Variants in HEMK2 observed in about 807,000 individuals in gnomAD.
HEMK2 encodes the protein methyltransferase HEMK2.
At chr21:28,676,312 G>A in the HEMK2 span, among the ~76,000 whole-genome samples, 5 of 152,090 alleles carry the variant, frequency 3.3e-5, no homozygotes, top group South Asian at 4.1e-4. Context: ...GTGTGTCTAC[G>A]TTCTAATCTC....
the HEMK2 span, among the ~76,000 whole-genome samples, chr21:28,583,886 T>G: frequency 6.6e-6 from 1 of 152,248 alleles, no homozygotes; most frequent in Non-Finnish European, 1.5e-5. Flanking sequence ...ATAACTTTAC[T>G]ATTTCAGGAG....
chr21:28,885,320 G>C, the HEMK2 span: 1 of 1,584,158 alleles, frequency 6.3e-7, no homozygotes, highest in Non-Finnish European at 8.6e-7. Context: ...CCCGTGGAAC[G>C]GCGTAGCGAA....
chr21:28,841,426 A>ATATATATAAAATATTATATATAT, the HEMK2 span, among the ~76,000 whole-genome samples: 8 of 47,152 alleles, frequency 1.7e-4, no homozygotes, highest in African/African-American at 7.4e-4. Context: ...TATATATATA[A>ATATATATAAAATATTATATATAT]AATATATATA....
the HEMK2 span, among the ~76,000 whole-genome samples, chr21:28,827,126 T>C: frequency 1.3e-5 from 2 of 152,168 alleles, no homozygotes; most frequent in Non-Finnish European, 2.9e-5. Context: ...CCAGACCCCA[T>C]GCTAGGCAGA....
the HEMK2 span, among the ~76,000 whole-genome samples, chr21:28,794,929 G>T: frequency 6.6e-6 from 1 of 152,182 alleles, no homozygotes; most frequent in Non-Finnish European, 1.5e-5. Context: ...AGTTGACGAT[G>T]GGTGCCATTA....
the HEMK2 span, among the ~76,000 whole-genome samples, chr21:28,822,945 A>C: frequency 6.6e-6 from 1 of 152,168 alleles, no homozygotes; most frequent in Non-Finnish European, 1.5e-5. Context: ...TTTGTAGTAC[A>C]AACAGTACTT....
chr21:28,809,525 C>G, the HEMK2 span, among the ~76,000 whole-genome samples: 1 of 152,056 alleles, frequency 6.6e-6, no homozygotes, highest in Non-Finnish European at 1.5e-5. Flanking sequence ...AACAGTTTTC[C>G]CATATCAGTG....
the HEMK2 span, among the ~76,000 whole-genome samples, chr21:28,812,206 G>C: frequency 7.9e-5 from 12 of 152,252 alleles, no homozygotes; most frequent in South Asian, 1.5e-3. Context: ...TAGTATAATG[G>C]CATTCCCAGA....
chr21:28,834,381 A>C, the HEMK2 span, among the ~76,000 whole-genome samples: 1 of 152,060 alleles, frequency 6.6e-6, no homozygotes, highest in Non-Finnish European at 1.5e-5. Context: ...CTGAACTCAC[A>C]CTCCCACTGG....
chr21:28,604,412 T>TA, the HEMK2 span, among the ~76,000 whole-genome samples: 1 of 151,914 alleles, frequency 6.6e-6, no homozygotes, highest in Admixed American at 6.6e-5. Flanking sequence ...AAAAGTATAA[T>TA]AAAAAAAGAA....
chr21:28,603,549 ATGTGTGTGTG>A, the HEMK2 span, among the ~76,000 whole-genome samples: 6,419 of 135,796 alleles, frequency 0.047, 232 homozygotes, highest in African/African-American at 0.11. Context: ...GAGGATATAT[ATGTGTGTGTG>A]TGTGTGTGTG....
chr21:28,783,639 G>A, the HEMK2 span, among the ~76,000 whole-genome samples: 156 of 152,314 alleles, frequency 1.0e-3, 1 homozygote, highest in Middle Eastern at 3.4e-3. Context: ...CCTCGGCCTC[G>A]GCACCCACTC....
chr21:28,621,108 TTTTGAA>T, the HEMK2 span, among the ~76,000 whole-genome samples: 1 of 152,116 alleles, frequency 6.6e-6, no homozygotes, highest in Non-Finnish European at 1.5e-5. Flanking sequence ...TTCTGCTAGC[TTTTGAA>T]TTTGTTTTCT....
At chr21:28,689,307 A>G in the HEMK2 span, among the ~76,000 whole-genome samples, 4 of 152,238 alleles carry the variant, frequency 2.6e-5, no homozygotes, top group Non-Finnish European at 5.9e-5. Flanking sequence ...CAAATGTCTT[A>G]GGGTTACAGT....
At chr21:28,668,176 T>A in the HEMK2 span, among the ~76,000 whole-genome samples, 1 of 152,312 alleles carries the variant, frequency 6.6e-6, no homozygotes, top group East Asian at 1.9e-4. Context: ...ACTAAAGGCA[T>A]CTTGAAATCT....
the HEMK2 span, among the ~76,000 whole-genome samples, chr21:28,845,609 A>G: frequency 6.6e-6 from 1 of 151,802 alleles, no homozygotes; most frequent in Non-Finnish European, 1.5e-5. Flanking sequence ...AAGATTTTCT[A>G]TTTTTCTTTA....
the HEMK2 span, among the ~76,000 whole-genome samples, chr21:28,835,297 T>G: frequency 6.6e-6 from 1 of 152,000 alleles, no homozygotes; most frequent in Non-Finnish European, 1.5e-5. Context: ...GAGAGACACA[T>G]AGATGGTTCA....
the HEMK2 span, among the ~76,000 whole-genome samples, chr21:28,653,861 C>G: frequency 6.6e-6 from 1 of 152,108 alleles, no homozygotes; most frequent in Non-Finnish European, 1.5e-5. Flanking sequence ...CCTAAATGAT[C>G]ATGAAAAATG....
the HEMK2 span, among the ~76,000 whole-genome samples, chr21:28,863,410 T>A: frequency 3.6e-4 from 14 of 38,988 alleles, 1 homozygote; most frequent in East Asian, 2.5e-3. Flanking sequence ...AAACTCCCTT[T>A]TATATATATA....
Sources: allele counts gnomAD v4.1 joint callset (sites outside exome capture counted in the v4.1 genomes callset), GRCh38; gene constraint gnomAD v4.1.1; transcripts MANE v1.5; gene names NCBI Gene and HGNC (gene_info 2026-07-23, HGNC 2026-07-21).